Variants in CSRP3 observed in about 807,000 individuals in gnomAD.
CSRP3 encodes cysteine and glycine rich protein 3.
In CSRP3, 24 loss-of-function variants were observed where a neutral mutation model predicts 24.3. The observed-to-expected ratio is 0.99, with a 90% CI of 0.71 to 1.39. CSRP3 has a LOEUF of 1.39. Among genes scored for constraint, CSRP3 ranks in the 40% most tolerant of loss-of-function variants. CSRP3 has a pLI of 0.00. For missense variants in CSRP3, 240 were observed against 249.0 expected (o/e 0.96, Z 0.24); for synonymous variants, 105 against 94.0 (o/e 1.12, Z -0.68).
At chr11:19,192,802 T>C (rs1590106409) in intron 1 of CSRP3, among the ~76,000 whole-genome samples, 1 of 147,878 alleles carries the variant, frequency 6.8e-6, no homozygotes, top group East Asian at 2.0e-4. Flanking sequence ...ACAAAGATCG[T>C]TTTTTTTTTC....
rs138218523 is a variant in CSRP3 at position 19,186,331 on chromosome 11, C to T, written c.299G>A (p.Arg100His). The T allele has an allele frequency of 7.7e-4, 1,241 of 1,614,156 alleles. 4 individuals carry two copies. The highest frequency in any genetic ancestry group is 7.3e-4 in the Non-Finnish European group (864 of 1,180,026). Residue 100 changes from arginine to histidine, a missense_variant, in exon 4 of 6, where the codon CGC becomes CAC. Transcript: ENST00000265968. ...GGAAGGGTTGCTGGTGGTAACTGAG[C>T]GTGCCGGCTTTGGGGACCTGTTGGA... Reference protein sequence around the residue: ...LQFQQSPKPARSVTTSNPSKF... With the variant: ...LQFQQSPKPAHSVTTSNPSKF...
At position 19,194,465 on chromosome 11, in the gene CSRP3, C is replaced by A. The variant is rs367576232; in HGVS notation, c.-28-1989G>T. On this transcript the variant is annotated intron_variant, in intron 1 of 5. Transcript: ENST00000265968. The stretch of plus-strand genomic sequence containing the variant: ...GGCCAAGGCAGGAGGATCACTAGCC[C>A]AGGAGTTTGAGACCAGCCTGGGCAA... Among the ~76,000 whole-genome samples, 5 of 152,182 alleles carry A rather than the reference C, an allele frequency of 3.3e-5. No homozygotes were observed. The South Asian group carries it at 6.2e-4, about 19-fold the overall frequency.
chr11:19,201,536 C>G (rs938820466), intron 1 of CSRP3, among the ~76,000 whole-genome samples: 1 of 152,196 alleles, frequency 6.6e-6, no homozygotes, highest in African/African-American at 2.4e-5. Context: ...AGACCAAGCC[C>G]CTGAGGGCAG....
At chr11:19,188,703 C>A (rs925832851) in intron 2 of CSRP3, among the ~76,000 whole-genome samples, 1 of 151,114 alleles carries the variant, frequency 6.6e-6, no homozygotes, top group Non-Finnish European at 1.5e-5. Context: ...GAGAAACTTA[C>A]TTTTTTCTTA....
At chr11:19,185,755 A>T (rs139931410) in intron 4 of CSRP3, among the ~76,000 whole-genome samples, 109 of 152,282 alleles carry the variant, frequency 7.2e-4, no homozygotes, top group African/African-American at 2.6e-3. Flanking sequence ...CATATGCATG[A>T]GTGTCTCGGA....
intron 1 of CSRP3, among the ~76,000 whole-genome samples, chr11:19,196,580 A>G (rs1300545979): frequency 6.6e-6 from 1 of 152,152 alleles, no homozygotes; most frequent in African/African-American, 2.4e-5. Flanking sequence ...ACACTCCCCT[A>G]GACACTCCCA....
In CSRP3 at chr11:19,182,261, A is replaced by G. The variant is rs563331791; in HGVS notation, c.*409T>C. 41 of 180,398 alleles carry G rather than the reference A, an allele frequency of 2.3e-4. 1 individual carries two copies. In the South Asian group the frequency reaches 5.1e-3, roughly 23 times the overall value. The allele number at this position is 180,398 out of a possible 1,614,324, so 11.2% of individuals were successfully genotyped here. On this transcript the variant is annotated 3_prime_UTR_variant, in exon 6 of 6. Transcript: ENST00000265968. ...AAGACACTTGGCTGACAGATTCTGA[A>G]AGACTGCTTTCCTTTGCGCATTGTT...
At chr11:19,191,196 G>A (rs1370084216) in intron 2 of CSRP3, among the ~76,000 whole-genome samples, 1 of 152,212 alleles carries the variant, frequency 6.6e-6, no homozygotes, top group Admixed American at 6.5e-5. Flanking sequence ...GTACATGGCA[G>A]AGCCCAGACT....
At chr11:19,196,377 A>C (rs942790004) in intron 1 of CSRP3, among the ~76,000 whole-genome samples, 1 of 152,240 alleles carries the variant, frequency 6.6e-6, no homozygotes, top group African/African-American at 2.4e-5. Flanking sequence ...GGGCAGGACC[A>C]TTGTGAAGGT....
At chr11:19,198,923 A>G (rs1010406657) in intron 1 of CSRP3, among the ~76,000 whole-genome samples, 3 of 152,246 alleles carry the variant, frequency 2.0e-5, no homozygotes, top group Admixed American at 6.5e-5. Flanking sequence ...TACTTAATAC[A>G]TAGCAGGAAT....
At position 19,192,471 on chromosome 11, in the gene CSRP3, T is replaced by C; in HGVS notation, c.-23A>G. On this transcript the variant is annotated 5_prime_UTR_variant, in exon 2 of 6. Coordinates refer to ENST00000265968, the MANE Select transcript of CSRP3 (RefSeq NM_003476.5). ...CATCTTGAAGACTATCTGGTCAAGG[T>C]CAAGTCTAAGGGGACATAAAGCAAA... 6.3e-7 allele frequency: 1 copy of C among 1,594,622 alleles called. No homozygotes were observed. The highest frequency in any genetic ancestry group is 1.1e-5 in the South Asian group (1 of 90,672).
Position 19,201,982 on chromosome 11 carries a change from C to A in CSRP3, c.-57G>T, listed in dbSNP as rs541052548. On this transcript the variant is annotated 5_prime_UTR_variant, in exon 1 of 6. Coordinates refer to ENST00000265968, the MANE Select transcript of CSRP3 (RefSeq NM_003476.5). ...CCTGTGTGGACTCCGTTCAGCTCAA[C>A]TGAGTCTGAGGGGCTCTTGTCCTCT... is the stretch of plus-strand genomic sequence containing the variant. 6.6e-6 allele frequency: 1 copy of A among 152,454 alleles called. No homozygotes were observed. The highest frequency in any genetic ancestry group is 2.4e-5 in the African/African-American group (1 of 41,462). 9.4% of individuals were successfully genotyped at this position (152,454 alleles called of 1,614,324 possible). A position where few individuals can be genotyped will look rare whatever the true frequency, so the allele number is the denominator to read the frequency against.
At chr11:19,200,782 C>A (rs74896206) in intron 1 of CSRP3, among the ~76,000 whole-genome samples, 3 of 152,134 alleles carry the variant, frequency 2.0e-5, no homozygotes, top group South Asian at 2.1e-4. Flanking sequence ...ATTGTATGTA[C>A]CCAGCATTGA....
intron 2 of CSRP3, among the ~76,000 whole-genome samples, chr11:19,191,368 A>C (rs1378725528): frequency 6.6e-6 from 1 of 152,194 alleles, no homozygotes; most frequent in African/African-American, 2.4e-5. Flanking sequence ...TACCGGGCTG[A>C]AGCATGGGGG....
chr11:19,184,476 T>C (rs1462626880), intron 5 of CSRP3, among the ~76,000 whole-genome samples: 3 of 152,154 alleles, frequency 2.0e-5, no homozygotes, highest in Non-Finnish European at 4.4e-5. Context: ...GAACTGTTAG[T>C]GCGGGGTAGG....
rs112884796 is a variant in CSRP3, at chr11:19,188,297, G to A, written c.120C>T (p.Cys40=). 6.2e-6 allele frequency: 10 copies of A among 1,612,190 alleles called. No homozygotes were observed. The East Asian group carries it at 1.8e-4, about 29-fold the overall frequency. The stretch of plus-strand genomic sequence containing the variant: ...CTGTCGTGCTGTCAAGAGCCTTCCT[G>A]CAGGCCACTGCCAGGAAAAGGAAGG... ...FHKTCFHCMA[C]RKALDSTTVA... is the part of the protein sequence containing the mutation. The change falls in exon 3 of 6, where the codon TGC becomes TGT. Residue 40 remains cysteine (C), a synonymous_variant. Transcript: ENST00000265968.
At chr11:19,199,677 G>A (rs1850803828) in intron 1 of CSRP3, among the ~76,000 whole-genome samples, 1 of 152,134 alleles carries the variant, frequency 6.6e-6, no homozygotes, top group Non-Finnish European at 1.5e-5. Context: ...CCTTAAATAA[G>A]CTAGTACTCG....
intron 3 of CSRP3, 89 bp from the exon 4 acceptor site, chr11:19,186,437 C>G: frequency 6.7e-7 from 1 of 1,494,430 alleles, no homozygotes; most frequent in Non-Finnish European, 9.3e-7. Flanking sequence ...GACCTCACTT[C>G]CGTGTGTCTC....
Position 19,197,936 on chromosome 11 carries a change from AC to A in CSRP3, c.-29+4017del, listed in dbSNP as rs541705172. Among the ~76,000 whole-genome samples the A allele has an allele frequency of 3.6e-3, 553 of 152,182 alleles. 4 individuals carry two copies. Among genetic ancestry groups the A allele is most frequent in the African/African-American group, 0.013 (532 of 41,532 alleles). The stretch of plus-strand genomic sequence containing the variant: ...TGGGTATCGTTTAATCTTCACAACA[AC>A]CCTTCAAGGTAGGTGCTATTATAAC... On this transcript the variant is annotated intron_variant, in intron 1 of 5. Coordinates refer to ENST00000265968, the MANE Select transcript of CSRP3 (RefSeq NM_003476.5).
Sources: allele counts gnomAD v4.1 joint callset (sites outside exome capture counted in the v4.1 genomes callset), GRCh38; gene constraint gnomAD v4.1.1; transcripts MANE v1.5; gene names NCBI Gene and HGNC (gene_info 2026-07-23, HGNC 2026-07-21).